Variants in NKAP observed in about 807,000 individuals in gnomAD.
NKAP encodes NFKB activating protein, also known as NF-kappa-B-activating protein.
In NKAP, 4 loss-of-function variants were observed where a neutral mutation model predicts 35.6. The observed-to-expected ratio is 0.11, with a 90% confidence interval of 0.06 to 0.26. The LOEUF is 0.26. Ranked by LOEUF, NKAP falls within the 10% of genes least tolerant of loss-of-function variation. NKAP has a pLI of 1.00. For missense variants in NKAP, 238 were observed against 321.9 expected, an observed-to-expected ratio of 0.74 and a Z score of 1.99; for synonymous variants, 106 against 119.2, an observed-to-expected ratio of 0.89 and a Z score of 0.72.
Position 119,936,623 on chromosome X carries a change from G to A in NKAP, c.527C>T (p.Ser176Phe), listed in dbSNP as rs12688672. ...EEPKKSTTSA[S>F]TSEEEKKKKS... ...TTTTTTAAAAATACCTTCTGAAGTA[G>A]AAGCTGAAGTAGTGCTTTTCTTTGG... Residue 176 changes from serine to phenylalanine, a missense_variant, in exon 3 of 9, where the codon TCT becomes TTT. Physicochemically the swap from Ser to Phe is radical, Grantham distance 155. Around this residue, in one of 5 missense-constraint regions of NKAP, gnomAD observed 89 missense variants for 91.7 expected, o/e 0.97. Coordinates refer to ENST00000371410, the MANE Select transcript of NKAP (RefSeq NM_024528.4). The A allele has an allele frequency of 6.9e-6, 8 of 1,161,816 alleles. No individual in the cohort carries two copies. Among genetic ancestry groups the A allele is most frequent in the Non-Finnish European group, 8.0e-6 (7 of 870,668 alleles).
chrX:119,921,000 A>G lies in NKAP; in HGVS notation c.*4220T>C, dbSNP rs1237453949. 8.4e-6 allele frequency: 1 copy of G among 118,490 alleles called. No homozygotes were observed. The highest frequency in any genetic ancestry group is 1.8e-5 in the Non-Finnish European group (1 of 57,139). 9.8% of individuals were successfully genotyped at this position (118,490 alleles called of 1,213,427 possible). A position where few individuals can be genotyped will look rare whatever the true frequency, so the allele number is the denominator to read the frequency against. On this transcript the variant is annotated 3_prime_UTR_variant, in exon 9 of 9. Coordinates refer to ENST00000371410, the MANE Select transcript of NKAP (RefSeq NM_024528.4). ...CACAACTGGGAACAACAAAATGGCA[A>G]CAGTTCTACAGCTCATAATATAACC...
At chrX:119,940,399 G>A (rs1244988980) in intron 1 of NKAP, among the ~76,000 whole-genome samples, 1 of 102,182 alleles carries the variant, frequency 9.8e-6, no homozygotes, top group Admixed American at 1.1e-4. Context: ...TACAAGGTTT[G>A]TTCCCTCTCT....
rs1274595127 is a variant in NKAP at position 119,936,381 on chromosome X, T to C, written c.589A>G (p.Arg197Gly). The C allele has an allele frequency of 8.4e-7, 1 of 1,192,083 alleles. No homozygotes were observed. The highest frequency in any genetic ancestry group is 1.9e-5 in the South Asian group (1 of 53,615). Residue 197 changes from arginine (R) to glycine (G), a missense_variant, in exon 4 of 9, where the codon AGA becomes GGA. Arg to Gly is a moderately radical substitution (Grantham distance 125). Transcript: ENST00000371410. ...SRSKERSKKR[R>G]KKKSSKRKHK... ...TTTCTTTTCGATGATTTTTTCTTTC[T>C]CCTTTTCTTGGACCTTTCTTTTGAA...
chrX:119,936,025 G>A, intron 4 of NKAP, among the ~76,000 whole-genome samples: 1 of 111,681 alleles, frequency 9.0e-6, no homozygotes, highest in East Asian at 2.8e-4. Context: ...GATTGCTTAG[G>A]TTTGAATCCA....
At chrX:119,938,380 CA>C (rs397726900) in intron 2 of NKAP, among the ~76,000 whole-genome samples, 10 of 103,803 alleles carry the variant, frequency 9.6e-5, no homozygotes, top group Admixed American at 2.1e-4. Flanking sequence ...GACTCCATCT[CA>C]AAAAAAAAAA....
intron 1 of NKAP, among the ~76,000 whole-genome samples, chrX:119,942,270 C>T (rs928610708): frequency 1.8e-5 from 2 of 110,366 alleles, no homozygotes; most frequent in Non-Finnish European, 3.8e-5. Context: ...CCCAGAAATT[C>T]GATACCAGCC....
rs1368677427 is a variant in NKAP at position 119,943,395 on chromosome X, A to G, written c.211T>C (p.Ser71Pro). The change falls in exon 1 of 9, where the codon TCC (serine) becomes CCC (proline). Residue 71 changes from serine (S) to proline (P), a missense_variant. Around this residue, in one of 5 missense-constraint regions of NKAP, gnomAD observed 123 missense variants for 115.3 expected, o/e 1.07. Coordinates refer to ENST00000371410, the MANE Select transcript of NKAP (RefSeq NM_024528.4). ...GGLSQGSRNQ[S>P]YRSRSRSRSR... ...CGCGACCGCGAGCGTGAGCGGTAGG[A>G]CTGGTTTCGGGAGCCTTGGCTGAGG... 2 of 1,211,191 alleles carry G rather than the reference A, an allele frequency of 1.7e-6. No homozygotes were observed.
At chrX:119,935,933 C>CTTTG (rs1393491776) in intron 4 of NKAP, among the ~76,000 whole-genome samples, 1 of 111,946 alleles carries the variant, frequency 8.9e-6, no homozygotes, top group Non-Finnish European at 1.9e-5. Flanking sequence ...GTAAGGCTTA[C>CTTTG]TTTGGTACAG....
At chrX:119,943,050 T>G (rs2239964) in intron 1 of NKAP, 170 bp downstream of exon 1, 1 of 622,871 alleles carries the variant, frequency 1.6e-6, no homozygotes. Context: ...TAAGGGAAAA[T>G]GAAAAGGACG....
In NKAP at chrX:119,932,191, T is replaced by C; in HGVS notation, c.763A>G (p.Lys255Glu). 1 of 1,195,503 alleles carries C rather than the reference T, an allele frequency of 8.4e-7. No homozygotes were observed. The highest frequency in any genetic ancestry group is 1.1e-6 in the Non-Finnish European group (1 of 885,452). The change falls in exon 6 of 9, where the codon AAG becomes GAG. Residue 255 changes from lysine (K) to glutamate (E), a missense_variant. Physicochemically the swap from Lys to Glu is moderately conservative, Grantham distance 56. This residue lies in a region of NKAP where 89 missense variants were observed against 91.7 expected (regional missense o/e 0.97). Coordinates refer to ENST00000371410, the MANE Select transcript of NKAP (RefSeq NM_024528.4). ...RSKKYKKKRS[K>E]KSRKESSDSS... Reference sequence around the variant, plus strand: ...TCACTGGACTCTTTTCTGCTCTTCTTAGACCTCTTTTTCTTATATTTCTTC... The same window carrying C: ...TCACTGGACTCTTTTCTGCTCTTCTCAGACCTCTTTTTCTTATATTTCTTC...
At chrX:119,938,368 A>G (rs1349824331) in intron 2 of NKAP, among the ~76,000 whole-genome samples, 9 of 103,062 alleles carry the variant, frequency 8.7e-5, no homozygotes, top group African/African-American at 3.7e-4. Flanking sequence ...GCGACAGAGC[A>G]AGACTCCATC....
In NKAP at chrX:119,940,847, C is replaced by T. The variant is rs1404632533; in HGVS notation, c.387-2037G>A. Among the ~76,000 whole-genome samples, 3 of 111,943 alleles carry T rather than the reference C, an allele frequency of 2.7e-5. No homozygotes were observed. In the Admixed American group the frequency reaches 2.9e-4, roughly 11 times the overall value. ...AAATAGCAGGAAGTCCTGTTGTCAC[C>T]TGGTTTCATCTGTAATGTTAAGATA... On this transcript the variant is annotated intron_variant, in intron 1 of 8. Transcript: ENST00000371410.
chrX:119,936,279 T>C lies in NKAP; in HGVS notation c.673+18A>G, dbSNP rs754423670. 4 of 1,199,040 alleles carry C rather than the reference T, an allele frequency of 3.3e-6. No individual in the cohort carries two copies. Among genetic ancestry groups the C allele is most frequent in the Non-Finnish European group, 1.1e-6 (1 of 890,590 alleles). ...TAGTTTTGAAGCAAGGCTTGCAGAA[T>C]GCTGTTGGCGTTCTTACCACTGGAG... On this transcript the variant is annotated intron_variant, in intron 4 of 8. Transcript: ENST00000371410.
At chrX:119,930,769 G>A (rs1272213939) in intron 7 of NKAP, among the ~76,000 whole-genome samples, 1 of 110,104 alleles carries the variant, frequency 9.1e-6, no homozygotes. Flanking sequence ...AGTGAGCCGA[G>A]ATCGTGTCAC....
chrX:119,928,570 A>T (rs746985190), intron 8 of NKAP, among the ~76,000 whole-genome samples: 5 of 106,517 alleles, frequency 4.7e-5, no homozygotes, highest in African/African-American at 1.8e-4. Context: ...AAAAAATGAC[A>T]TTTTTTTTTT....
chrX:119,932,162 T>C lies in NKAP; in HGVS notation c.792A>G (p.Ser264=). The part of the protein sequence containing the change: ...SKKSRKESSD[S]SSKESQEEFL... ...ACTCTTCTTGGGATTCTTTAGAGCT[T>C]GAATCACTGGACTCTTTTCTGCTCT... is the stretch of plus-strand genomic sequence containing the variant. The change falls in exon 6 of 9, where the codon TCA becomes TCG. Residue 264 remains serine (S), a synonymous_variant. Transcript: ENST00000371410. 6 of 1,209,681 alleles carry C rather than the reference T, an allele frequency of 5.0e-6. No homozygotes were observed. The highest frequency in any genetic ancestry group is 6.7e-6 in the Non-Finnish European group (6 of 894,142).
chrX:119,931,436 GC>G (rs1231953929), intron 7 of NKAP, among the ~76,000 whole-genome samples: 11 of 110,673 alleles, frequency 9.9e-5, no homozygotes, highest in African/African-American at 3.0e-4. Context: ...AACCTGGGAG[GC>G]AGAGGTTGCA....
rs2056803639 is a variant in NKAP, at chrX:119,943,441, T to G, written c.165A>C (p.Gly55=). ...TGAGGCCACCCAGCTGATGGGTGAG[T>G]CCATTCCGGTCCCCGGACCGAGAGC... ...HSCSRSGDRN[G]LTHQLGGLSQ... The change falls in exon 1 of 9, where the codon GGA becomes GGC. Residue 55 remains glycine (G), a synonymous_variant. Transcript: ENST00000371410. The G allele has an allele frequency of 1.1e-5, 13 of 1,209,366 alleles. No individual in the cohort carries two copies. The highest frequency in any genetic ancestry group is 1.5e-5 in the Non-Finnish European group (13 of 894,254).
Position 119,930,087 on chromosome X carries a change from T to C in NKAP, c.1002A>G (p.Arg334=), listed in dbSNP as rs750236434. ...YVKAGKRIPR[R]GEIGLTSEEI... is the part of the protein sequence containing the mutation. ...CTTCACTTGTCAAGCCAATTTCACC[T>C]CTTCGTGGGATACGTTTTCCAGCTT... Residue 334 remains arginine (R), a synonymous_variant, in exon 8 of 9, where the codon AGA becomes AGG. Coordinates refer to ENST00000371410, the MANE Select transcript of NKAP (RefSeq NM_024528.4). 8.3e-6 allele frequency: 10 copies of C among 1,210,418 alleles called. No individual in the cohort carries two copies. The highest frequency in any genetic ancestry group is 4.6e-4 in the Middle Eastern group (2 of 4,351).
Sources: allele counts gnomAD v4.1 joint callset (sites outside exome capture counted in the v4.1 genomes callset), GRCh38; gene constraint gnomAD v4.1.1; regional missense constraint gnomAD v4.1.1; transcripts MANE v1.5; gene names NCBI Gene and HGNC (gene_info 2026-07-23, HGNC 2026-07-21).